The following NEK6 variants were observed in gnomAD, a reference collection of about 807,000 sequenced individuals.
NEK6 encodes NIMA related kinase 6.
NEK6 carries 27 observed loss-of-function variants against 43.5 expected under a neutral mutation model. The observed-to-expected ratio is 0.62, with a 90% CI of 0.46 to 0.86. The LOEUF (loss-of-function observed/expected upper bound fraction) is 0.86, where lower values mean the gene tolerates loss of function less well. Among genes scored for constraint, NEK6 ranks in the 40% least tolerant of loss-of-function variants. The pLI is 0.00. For missense variants in NEK6, 318 were observed against 414.4 expected (o/e 0.77, Z 2.02); for synonymous variants, 167 against 164.1 (o/e 1.02, Z -0.14).
chr9:124,339,019 A>ATTT (rs538411121), intron 7 of NEK6, among the ~76,000 whole-genome samples: 2 of 61,784 alleles, frequency 3.2e-5, no homozygotes, highest in African/African-American at 6.6e-5. Flanking sequence ...CCCCATCCTG[A>ATTT]TTTTTTTTTT....
chr9:124,322,980 G>C (rs1440353029), intron 5 of NEK6, among the ~76,000 whole-genome samples: 2 of 152,242 alleles, frequency 1.3e-5, no homozygotes, highest in African/African-American at 2.4e-5. Flanking sequence ...AGATGTGCTA[G>C]ATCATGTCTT....
rs374752543 is a variant in NEK6 at position 124,336,726 on chromosome 9, A to G, written c.623-2845A>G. Reference sequence around the variant, plus strand: ...TTTAGCAACCTTAAAAATCCAGGCCAGGCTGGGTGCAGTGGCTCACACCTA... The same window carrying G: ...TTTAGCAACCTTAAAAATCCAGGCCGGGCTGGGTGCAGTGGCTCACACCTA... On this transcript the variant is annotated intron_variant, in intron 7 of 9. Coordinates refer to ENST00000320246, the MANE Select transcript of NEK6 (RefSeq NM_014397.6). 1.6e-4 allele frequency among the ~76,000 whole-genome samples: 24 copies of G among 152,326 alleles called. No individual in the cohort carries two copies. In the East Asian group the frequency reaches 4.4e-3, roughly 28 times the overall value.
In NEK6 at chr9:124,343,422, C is replaced by G. The variant is rs1235319173; in HGVS notation, c.717+3757C>G. ...GATTAGCGTCCTCAGGGACATCAGGCGCTGACCTAACCCTAGCAGCCCCGG... is the reference window on the plus strand; with the variant it reads ...GATTAGCGTCCTCAGGGACATCAGGGGCTGACCTAACCCTAGCAGCCCCGG... On this transcript the variant is annotated intron_variant, in intron 8 of 9. Coordinates refer to ENST00000320246, the MANE Select transcript of NEK6 (RefSeq NM_014397.6). The surrounding 1 kb of genome is among the most constrained non-coding windows in gnomAD (Gnocchi z 5.1). Among the ~76,000 whole-genome samples, 1 of 152,104 alleles carries G rather than the reference C, an allele frequency of 6.6e-6. No homozygotes were observed. Among genetic ancestry groups the G allele is most frequent in the African/African-American group, 2.4e-5 (1 of 41,424 alleles).
intron 4 of NEK6, among the ~76,000 whole-genome samples, chr9:124,314,590 A>G (rs1182079376): frequency 6.6e-6 from 1 of 151,846 alleles, no homozygotes. Flanking sequence ...TCCTGGGCTC[A>G]AGCAATCCTC....
chr9:124,345,121 C>A (rs917753482), intron 8 of NEK6, among the ~76,000 whole-genome samples: 2 of 152,234 alleles, frequency 1.3e-5, no homozygotes, highest in African/African-American at 4.8e-5. Flanking sequence ...CTATATGTCA[C>A]CCTGATGACA....
rs4838154 is a variant in NEK6, at chr9:124,293,732, A to C, written c.-29-8204A>C. 3.8e-3 allele frequency among the ~76,000 whole-genome samples: 574 copies of C among 152,230 alleles called. 6 individuals are homozygous for C. Among genetic ancestry groups the C allele is most frequent in the Admixed American group, 0.022 (339 of 15,294 alleles). ...TACTAGTCAGAGATTCATTCTGCCA[A>C]CGCCCCCTGGGTGGCCCTCTTTTCA... On this transcript the variant is annotated intron_variant, in intron 1 of 9. Coordinates refer to ENST00000320246, the MANE Select transcript of NEK6 (RefSeq NM_014397.6).
At chr9:124,276,920 G>A (rs1481895764) in intron 1 of NEK6, among the ~76,000 whole-genome samples, 2 of 152,210 alleles carry the variant, frequency 1.3e-5, no homozygotes, top group African/African-American at 2.4e-5. Flanking sequence ...GGCTTGATGG[G>A]TCAAGGGGTC....
chr9:124,326,349 G>A lies in NEK6; in HGVS notation c.425G>A (p.Arg142Gln), dbSNP rs759138170. The change falls in exon 6 of 10, where the codon CGG (arginine) becomes CAG (glutamine). Residue 142 changes from arginine to glutamine, a missense_variant. Transcript: ENST00000320246. This position sits in a 1 kb window ranked among gnomAD's most constrained non-coding sequence, Gnocchi z 4.5. ...CTGCAGTACTTTAAGAAGCAGAAGC[G>A]GCTCATCCCGGAGAGGACAGTATGG... The part of the protein sequence containing the change: ...QMIKYFKKQK[R>Q]LIPERTVWKY... The A allele has an allele frequency of 6.8e-6, 11 of 1,611,426 alleles. No homozygotes were observed. Among genetic ancestry groups the A allele is most frequent in the African/African-American group, 2.7e-5 (2 of 75,042 alleles).
chr9:124,330,879 C>G (rs1828945999), intron 7 of NEK6, among the ~76,000 whole-genome samples: 1 of 152,188 alleles, frequency 6.6e-6, no homozygotes. Context: ...CCACCCCTCC[C>G]AGAGCCGCCC....
At position 124,327,422 on chromosome 9, in the gene NEK6, A is replaced by G. The variant is rs747816154; in HGVS notation, c.599A>G (p.Glu200Gly). The change falls in exon 7 of 10, where the codon GAG becomes GGG. Residue 200 changes from glutamate (E) to glycine (G), a missense_variant. Around this residue, in one of 2 missense-constraint regions of NEK6, gnomAD observed 239 missense variants for 344.4 expected, o/e 0.69. Coordinates refer to ENST00000320246, the MANE Select transcript of NEK6 (RefSeq NM_014397.6). ...DLGLGRFFSS[E>G]TTAAHSLVGT... Reference sequence around the variant, plus strand: ...GGTCTGGGCCGCTTCTTCAGCTCTGAGACCACCGCAGCCCACTCCCTAGGT... The same window carrying G: ...GGTCTGGGCCGCTTCTTCAGCTCTGGGACCACCGCAGCCCACTCCCTAGGT... 2.5e-6 allele frequency: 4 copies of G among 1,613,038 alleles called. No homozygotes were observed. In the Middle Eastern group the frequency reaches 5.0e-4, roughly 200 times the overall value.
chr9:124,324,105 T>C lies in NEK6; in HGVS notation c.406-2225T>C, dbSNP rs999903597. Among the ~76,000 whole-genome samples the C allele has an allele frequency of 6.6e-6, 1 of 151,992 alleles. No individual in the cohort carries two copies. The highest frequency in any genetic ancestry group is 1.5e-5 in the Non-Finnish European group (1 of 67,988). On this transcript the variant is annotated intron_variant, in intron 5 of 9. Coordinates refer to ENST00000320246, the MANE Select transcript of NEK6 (RefSeq NM_014397.6). The surrounding 1 kb of genome is among the most constrained non-coding windows in gnomAD (Gnocchi z 5.3). The stretch of plus-strand genomic sequence containing the variant: ...AGGGGCCCTCACCTGCAGAGCTGGC[T>C]CGGTGCAGCCGCCAGCAGGGGAGGC...
At chr9:124,272,879 G>A (rs1034832078) in intron 1 of NEK6, among the ~76,000 whole-genome samples, 8 of 152,230 alleles carry the variant, frequency 5.3e-5, no homozygotes, top group South Asian at 2.1e-4. Context: ...ACCCACGCCC[G>A]TGGCTTCCAG....
intron 8 of NEK6, among the ~76,000 whole-genome samples, chr9:124,345,631 G>A (rs1829881736): frequency 6.6e-6 from 1 of 152,172 alleles, no homozygotes; most frequent in Admixed American, 6.5e-5. Flanking sequence ...AAGATCGGCT[G>A]ATTCCTCTCC....
At chr9:124,297,458 C>T (rs1832747306) in intron 1 of NEK6, among the ~76,000 whole-genome samples, 2 of 152,170 alleles carry the variant, frequency 1.3e-5, no homozygotes, top group Admixed American at 6.5e-5. Context: ...TCCTGCAGTC[C>T]AGCTCCCCGC....
intron 5 of NEK6, among the ~76,000 whole-genome samples, chr9:124,322,452 C>T (rs1011820080): frequency 2.0e-5 from 3 of 152,322 alleles, no homozygotes; most frequent in South Asian, 2.1e-4. Flanking sequence ...CAGCCCAGTA[C>T]GCTCATGCGT....
rs1834232733 is a variant in NEK6, at chr9:124,324,470, C to G, written c.406-1860C>G. Among the ~76,000 whole-genome samples the G allele has an allele frequency of 6.6e-6, 1 of 152,212 alleles. No homozygotes were observed. The highest frequency in any genetic ancestry group is 1.5e-5 in the Non-Finnish European group (1 of 68,036). On this transcript the variant is annotated intron_variant, in intron 5 of 9. Transcript: ENST00000320246. This position sits in a 1 kb window ranked among gnomAD's most constrained non-coding sequence, Gnocchi z 5.3. ...TAGGAGCTGCCGTAGCCCCAGAACCCACCAGAGACTCTGCGCCTCCCCGCT... is the reference window on the plus strand; with the variant it reads ...TAGGAGCTGCCGTAGCCCCAGAACCGACCAGAGACTCTGCGCCTCCCCGCT...
intron 1 of NEK6, chr9:124,261,467 T>G (rs1831026993): frequency 5.1e-6 from 5 of 985,454 alleles, no homozygotes; most frequent in Non-Finnish European, 6.0e-6. Flanking sequence ...GCCAGGCTTG[T>G]GTGGAGATGA....
chr9:124,332,899 G>A (rs999020547), intron 7 of NEK6, among the ~76,000 whole-genome samples: 3 of 152,116 alleles, frequency 2.0e-5, no homozygotes, highest in Non-Finnish European at 4.4e-5. Context: ...ACACAGCTCC[G>A]TCCCCCACCA....
rs116169912 is a variant in NEK6 at position 124,338,425 on chromosome 9, T to C, written c.623-1146T>C. Reference sequence around the variant, plus strand: ...GAATAAGGGGGTAGTTTGTCTCTTATGTACTGATTTGCAGAAGCTTTGAAA... The same window carrying C: ...GAATAAGGGGGTAGTTTGTCTCTTACGTACTGATTTGCAGAAGCTTTGAAA... On this transcript the variant is annotated intron_variant, in intron 7 of 9. Transcript: ENST00000320246. Among the ~76,000 whole-genome samples, 1,136 of 152,370 alleles carry C rather than the reference T, an allele frequency of 7.5e-3. 14 individuals carry two copies. The highest frequency in any genetic ancestry group is 0.026 in the African/African-American group (1,076 of 41,582).
Sources: gnomAD v4.1 joint callset for allele counts (sites outside exome capture counted in the v4.1 genomes callset) on GRCh38, gnomAD v4.1.1 for gene constraint, gnomAD v4.1.1 regional missense constraint, Gnocchi (gnomAD v3.1) non-coding constraint, MANE v1.5 for transcripts, NCBI Gene and HGNC (gene_info 2026-07-23, HGNC 2026-07-21) for gene names.